The following DPYD variants were observed in gnomAD, a reference collection of about 807,000 sequenced individuals.
DPYD encodes the protein dihydropyrimidine dehydrogenase, also known as dihydropyrimidine dehydrogenase [NADP(+)].
DPYD carries 109 observed loss-of-function variants against 116.2 expected under a neutral mutation model. The ratio of observed to expected loss-of-function variants is 0.94; its 90% confidence interval spans 0.80 to 1.10. DPYD has a LOEUF of 1.10. Ranked by LOEUF, DPYD falls within the 50% of genes least tolerant of loss-of-function variation. The pLI, the probability that DPYD is intolerant of heterozygous loss-of-function variation, is 0.00. For missense variants in DPYD, 1,302 were observed against 1,254.5 expected, an observed-to-expected ratio of 1.04 and a Z score of -0.57; for synonymous variants, 440 against 432.0, an observed-to-expected ratio of 1.02 and a Z score of -0.23.
At chr1:97,786,266 T>C (rs1413049095) in intron 3 of DPYD, among the ~76,000 whole-genome samples, 1 of 152,194 alleles carries the variant, frequency 6.6e-6, no homozygotes, top group Non-Finnish European at 1.5e-5. Flanking sequence ...AACTTGATGA[T>C]TGGTGCCCTA....
At chr1:97,470,634 C>T (rs1677594767) in intron 13 of DPYD, among the ~76,000 whole-genome samples, 1 of 152,160 alleles carries the variant, frequency 6.6e-6, no homozygotes, top group South Asian at 2.1e-4. Context: ...TTTAGGAGGG[C>T]TTCCAAATGC....
At chr1:97,583,291 A>G (rs913080300) in intron 10 of DPYD, among the ~76,000 whole-genome samples, 3 of 152,156 alleles carry the variant, frequency 2.0e-5, no homozygotes, top group East Asian at 1.9e-4. Flanking sequence ...TTTAAACACT[A>G]TTCATTTACT....
chr1:97,690,167 T>C (rs1191725070), intron 7 of DPYD, among the ~76,000 whole-genome samples: 1 of 152,078 alleles, frequency 6.6e-6, no homozygotes, highest in African/African-American at 2.4e-5. Flanking sequence ...AGTAGCATAC[T>C]TTTTATTTGA....
intron 2 of DPYD, among the ~76,000 whole-genome samples, chr1:97,832,129 G>A (rs1669571572): frequency 6.6e-6 from 1 of 150,532 alleles, no homozygotes; most frequent in Non-Finnish European, 1.5e-5. Flanking sequence ...TAGTGACTCT[G>A]GGTTAGGTAC....
chr1:97,801,475 C>T (rs759458062), intron 3 of DPYD, among the ~76,000 whole-genome samples: 6 of 151,716 alleles, frequency 4.0e-5, no homozygotes, highest in Admixed American at 6.6e-5. Flanking sequence ...GAGAGAGATG[C>T]ATTAAAGATT....
chr1:97,722,118 G>T (rs1007616020), intron 4 of DPYD, among the ~76,000 whole-genome samples: 25 of 151,528 alleles, frequency 1.6e-4, no homozygotes, highest in Admixed American at 1.1e-3. Context: ...AAAGCAGCCA[G>T]AGCTTTCATT....
chr1:97,177,754 C>A (rs1418311077), intron 20 of DPYD, among the ~76,000 whole-genome samples: 1 of 152,074 alleles, frequency 6.6e-6, no homozygotes, highest in Non-Finnish European at 1.5e-5. Context: ...ATCCTCCTAA[C>A]TTATTTAAAG....
At chr1:97,446,182 G>T (rs775571407) in intron 14 of DPYD, among the ~76,000 whole-genome samples, 18 of 152,136 alleles carry the variant, frequency 1.2e-4, no homozygotes, top group Non-Finnish European at 2.9e-5. Flanking sequence ...AATTTGAGTA[G>T]TTATTAGACC....
intron 8 of DPYD, among the ~76,000 whole-genome samples, chr1:97,615,314 A>G (rs1026323272): frequency 2.0e-5 from 3 of 152,134 alleles, no homozygotes; most frequent in African/African-American, 7.2e-5. Flanking sequence ...CTATGAGATG[A>G]TCATTGATTC....
At chr1:97,537,561 A>T (rs1171112678) in intron 12 of DPYD, among the ~76,000 whole-genome samples, 3 of 152,164 alleles carry the variant, frequency 2.0e-5, no homozygotes, top group African/African-American at 7.2e-5. Context: ...TCATTTATTG[A>T]TATGAATGCA....
chr1:97,745,500 G>T (rs1312768318), intron 3 of DPYD, among the ~76,000 whole-genome samples: 1 of 152,102 alleles, frequency 6.6e-6, no homozygotes, highest in East Asian at 1.9e-4. Context: ...TAACCAGGAA[G>T]CTGGGAATAA....
chr1:97,683,387 TA>T (rs1479444493), intron 7 of DPYD, among the ~76,000 whole-genome samples: 2 of 151,766 alleles, frequency 1.3e-5, no homozygotes, highest in Non-Finnish European at 2.9e-5. Context: ...AAGAGGTTAT[TA>T]AGAAAAAGGT....
intron 8 of DPYD, among the ~76,000 whole-genome samples, chr1:97,638,893 C>A (rs1291129381): frequency 6.6e-6 from 1 of 152,112 alleles, no homozygotes; most frequent in East Asian, 1.9e-4. Flanking sequence ...TCCCACTAAG[C>A]CCCAACTCTA....
At chr1:97,396,030 T>A (rs1672987612) in intron 14 of DPYD, among the ~76,000 whole-genome samples, 1 of 152,004 alleles carries the variant, frequency 6.6e-6, no homozygotes, top group African/African-American at 2.4e-5. Flanking sequence ...AGAACTAAAT[T>A]AATAATTGTT....
In DPYD at chr1:97,540,621, C is replaced by A. The variant is rs1173363180; in HGVS notation, c.1524+8939G>T. On this transcript the variant is annotated intron_variant, in intron 12 of 22. Coordinates refer to ENST00000370192, the MANE Select transcript of DPYD (RefSeq NM_000110.4). Reference sequence around the variant, plus strand: ...TTGTCTATTGGCAAGTTCTCAGAACCTAGTCCATTTGAGTTTTTATGGAAA... The same window carrying A: ...TTGTCTATTGGCAAGTTCTCAGAACATAGTCCATTTGAGTTTTTATGGAAA... 5.9e-5 allele frequency among the ~76,000 whole-genome samples: 9 copies of A among 152,110 alleles called. No individual in the cohort carries two copies. In the South Asian group the frequency reaches 1.7e-3, roughly 28 times the overall value.
chr1:97,261,973 C>T (rs143470736), intron 18 of DPYD, among the ~76,000 whole-genome samples: 1 of 151,902 alleles, frequency 6.6e-6, no homozygotes, highest in Non-Finnish European at 1.5e-5. Flanking sequence ...TTCCTACTGC[C>T]TGAATTTTTT....
intron 16 of DPYD, among the ~76,000 whole-genome samples, chr1:97,368,963 A>T (rs1158953335): frequency 3.3e-5 from 5 of 152,170 alleles, no homozygotes; most frequent in Non-Finnish European, 5.9e-5. Context: ...AATTTTAAAA[A>T]CACAACAACC....
At position 97,607,566 on chromosome 1, in the gene DPYD, G is replaced by A. The variant is rs544567196; in HGVS notation, c.851-12400C>T. The stretch of plus-strand genomic sequence containing the variant: ...ATGCTAATGAGCATTAATCCAGGGA[G>A]AGCGTATACAATAATCAGAAGAGAA... On this transcript the variant is annotated intron_variant, in intron 8 of 22. Transcript: ENST00000370192. 2.6e-5 allele frequency among the ~76,000 whole-genome samples: 4 copies of A among 151,942 alleles called. No homozygotes were observed. The South Asian group carries it at 8.3e-4, about 31-fold the overall frequency.
chr1:97,473,253 T>C (rs1310084471), intron 13 of DPYD, among the ~76,000 whole-genome samples: 2 of 152,228 alleles, frequency 1.3e-5, no homozygotes, highest in African/African-American at 4.8e-5. Context: ...GTCTGGCTTA[T>C]TTCACTTAGC....
Sources: allele counts gnomAD v4.1 joint callset (sites outside exome capture counted in the v4.1 genomes callset), GRCh38; gene constraint gnomAD v4.1.1; transcripts MANE v1.5; gene names NCBI Gene and HGNC (gene_info 2026-07-23, HGNC 2026-07-21).